Variants in CLDN16 observed in about 807,000 individuals in gnomAD.
CLDN16 encodes the protein claudin-16.
A neutral mutation model predicts 24.6 loss-of-function variants in CLDN16; 13 were observed. The observed-to-expected ratio is 0.53, with a 90% CI of 0.34 to 0.84. CLDN16 has a LOEUF of 0.84. Ranked by LOEUF, CLDN16 falls within the 40% of genes least tolerant of loss-of-function variation. The probability of loss-of-function intolerance (pLI) is 0.01; values close to 1 mark genes in which losing one functional copy is unlikely to be tolerated. For synonymous variants in CLDN16, 116 were observed against 106.7 expected, an observed-to-expected ratio of 1.09 and a Z score of -0.54; for missense variants, 298 against 292.7, an observed-to-expected ratio of 1.02 and a Z score of -0.13.
At chr3:190,335,386 T>C (rs1717278045) in intron 1 of CLDN16, among the ~76,000 whole-genome samples, 1 of 152,046 alleles carries the variant, frequency 6.6e-6, no homozygotes, top group African/African-American at 2.4e-5. Flanking sequence ...ATCTAGCTTC[T>C]TCCTTTGTAC....
chr3:190,334,313 G>A (rs1717252002), intron 1 of CLDN16, among the ~76,000 whole-genome samples: 1 of 152,210 alleles, frequency 6.6e-6, no homozygotes, highest in Non-Finnish European at 1.5e-5. Flanking sequence ...AAGTATTTGA[G>A]AAGTGGAAGG....
chr3:190,317,103 T>C, the CLDN16 span, among the ~76,000 whole-genome samples: 1 of 152,176 alleles, frequency 6.6e-6, no homozygotes, highest in Non-Finnish European at 1.5e-5. Flanking sequence ...ACAATTTGGA[T>C]GAGATAGATG....
intron 1 of CLDN16, among the ~76,000 whole-genome samples, chr3:190,396,410 A>G (rs990520321): frequency 2.6e-5 from 4 of 152,208 alleles, no homozygotes; most frequent in African/African-American, 9.7e-5. Context: ...CTTATTAAGT[A>G]GCAACTGTGC....
At chr3:190,313,274 C>G in the CLDN16 span, 6 of 513,742 alleles carry the variant, frequency 1.2e-5, no homozygotes, top group Non-Finnish European at 2.1e-5. Context: ...TTTTATGTTT[C>G]CAACATTAAA....
intron 2 of CLDN16, among the ~76,000 whole-genome samples, chr3:190,402,940 A>G (rs1719000450): frequency 6.6e-6 from 1 of 152,192 alleles, no homozygotes; most frequent in South Asian, 2.1e-4. Flanking sequence ...GACATAGACT[A>G]TGGGGATCAG....
upstream of CLDN16, chr3:190,322,473 A>G: frequency 2.0e-6 from 1 of 496,748 alleles, no homozygotes; most frequent in Admixed American, 3.3e-5. Context: ...CCGCGATTTA[A>G]AGCAGCTCCG....
At chr3:190,309,784 A>G in the CLDN16 span, among the ~76,000 whole-genome samples, 2 of 152,340 alleles carry the variant, frequency 1.3e-5, no homozygotes, top group African/African-American at 2.4e-5. Context: ...ATTTTTCTCA[A>G]TCAATCATAA....
chr3:190,356,317 T>C (rs1243100740), intron 1 of CLDN16, among the ~76,000 whole-genome samples: 1 of 151,818 alleles, frequency 6.6e-6, no homozygotes, highest in African/African-American at 2.4e-5. Context: ...AATACTGCTA[T>C]AATAAGTGTG....
At chr3:190,342,767 A>G (rs1033707092) in intron 1 of CLDN16, among the ~76,000 whole-genome samples, 2 of 152,208 alleles carry the variant, frequency 1.3e-5, no homozygotes, top group Non-Finnish European at 2.9e-5. Flanking sequence ...TTCACATGCA[A>G]AAGAAATACA....
At chr3:190,313,005 C>A in the CLDN16 span, 4 of 1,614,146 alleles carry the variant, frequency 2.5e-6, no homozygotes, top group Admixed American at 1.7e-5. Flanking sequence ...GGATGCCAAC[C>A]ACCATCAAGG....
intron 2 of CLDN16, chr3:190,374,427 A>G (rs1718206711): frequency 6.6e-6 from 1 of 151,846 alleles, no homozygotes; most frequent in South Asian, 2.1e-4. Flanking sequence ...AGGATGCCAA[A>G]GTTCATAAAA....
At chr3:190,385,286 C>T (rs1374926925), upstream of CLDN16, among the ~76,000 whole-genome samples, 1 of 152,176 alleles carries the variant, frequency 6.6e-6, no homozygotes, top group Non-Finnish European at 1.5e-5. Flanking sequence ...CATCTGTGCC[C>T]TCCATCCTCA....
At chr3:190,326,813 A>C (rs557174329) in intron 1 of CLDN16, among the ~76,000 whole-genome samples, 3 of 152,318 alleles carry the variant, frequency 2.0e-5, no homozygotes, top group Non-Finnish European at 4.4e-5. Context: ...TGTTTCAGTC[A>C]TAAAAGGTTA....
At chr3:190,387,285 A>G (rs1408839225), upstream of CLDN16, among the ~76,000 whole-genome samples, 2 of 152,206 alleles carry the variant, frequency 1.3e-5, no homozygotes, top group African/African-American at 4.8e-5. Context: ...AGATACAGAT[A>G]AAATTCCAGT....
At chr3:190,312,721 G>T in the CLDN16 span, 1 of 836,336 alleles carries the variant, frequency 1.2e-6, no homozygotes, top group South Asian at 1.5e-5. Flanking sequence ...TTTAGTTTGT[G>T]TTTGAGAACA....
At chr3:190,311,158 T>C in the CLDN16 span, among the ~76,000 whole-genome samples, 100,433 of 151,946 alleles carry the variant, frequency 0.66, 34,157 homozygotes, top group African/African-American at 0.82. Context: ...GAACTTGTGA[T>C]GCTTACTCCT....
In CLDN16 at chr3:190,410,044, G is replaced by A. The variant is rs768292566; in HGVS notation, c.*8G>A. On this transcript the variant is annotated 3_prime_UTR_variant, in exon 5 of 5. Coordinates refer to ENST00000264734, the MANE Select transcript of CLDN16 (RefSeq NM_006580.4). ...GTAGACACAAGGGTGTAAAATGCACGTTTCAGGGTGTGTTTGCATATGATT... is the reference window on the plus strand; with the variant it reads ...GTAGACACAAGGGTGTAAAATGCACATTTCAGGGTGTGTTTGCATATGATT... The A allele has an allele frequency of 3.1e-6, 5 of 1,614,002 alleles. No homozygotes were observed. Among genetic ancestry groups the A allele is most frequent in the Non-Finnish European group, 4.2e-6 (5 of 1,179,938 alleles).
intron 1 of CLDN16, among the ~76,000 whole-genome samples, chr3:190,396,901 C>G (rs544896892): frequency 6.6e-6 from 1 of 152,042 alleles, no homozygotes; most frequent in South Asian, 2.1e-4. Context: ...TAGTATATAC[C>G]AGGAAGAGAA....
intron 1 of CLDN16, among the ~76,000 whole-genome samples, chr3:190,365,606 T>C (rs1336666900): frequency 6.7e-6 from 1 of 150,234 alleles, no homozygotes; most frequent in Non-Finnish European, 1.5e-5. Context: ...CCAGGATCCT[T>C]GACCAAGTAT....
Sources: gnomAD v4.1 joint callset for allele counts (sites outside exome capture counted in the v4.1 genomes callset) on GRCh38, gnomAD v4.1.1 for gene constraint, MANE v1.5 for transcripts, NCBI Gene and HGNC (gene_info 2026-07-23, HGNC 2026-07-21) for gene names.